The following TPRG1 variants were observed in gnomAD, a reference collection of about 807,000 sequenced individuals.
TPRG1 encodes tumor protein p63 regulated 1, also known as tumor protein p63-regulated gene 1 protein.
Under a neutral mutation model 29.3 loss-of-function variants are expected in TPRG1, and 29 were observed. That is an observed-to-expected ratio of 0.99 (90% CI 0.74 to 1.35). The LOEUF is 1.35. TPRG1 is among the 40% of genes most tolerant of loss of function. The pLI is 0.00. For missense variants in TPRG1, 327 were observed against 335.0 expected (o/e 0.98, Z 0.19); for synonymous variants, 130 against 116.8 (o/e 1.11, Z -0.73).
At chr3:189,232,551 C>T (rs977719732) in intron 3 of TPRG1, among the ~76,000 whole-genome samples, 2 of 152,166 alleles carry the variant, frequency 1.3e-5, no homozygotes, top group Non-Finnish European at 2.9e-5. Context: ...TACATATTCC[C>T]CCTCACATCT....
chr3:189,153,185 T>G (rs1449034579), intron 5 of TPRG1, among the ~76,000 whole-genome samples: 1 of 152,166 alleles, frequency 6.6e-6, no homozygotes, highest in African/African-American at 2.4e-5. Flanking sequence ...CCCTATGTAT[T>G]GAGCACTGTT....
At chr3:189,098,257 C>T (rs1238117297), upstream of TPRG1, among the ~76,000 whole-genome samples, 1 of 151,804 alleles carries the variant, frequency 6.6e-6, no homozygotes, top group African/African-American at 2.4e-5. Flanking sequence ...GAGGAGTGAA[C>T]AGGAAGGGAA....
intron 3 of TPRG1, among the ~76,000 whole-genome samples, chr3:189,011,460 A>C (rs1303056618): frequency 6.6e-6 from 1 of 152,184 alleles, no homozygotes; most frequent in African/African-American, 2.4e-5. Context: ...AAAGAAATTT[A>C]ATGGAGAACT....
intron 3 of TPRG1, chr3:189,219,931 C>T (rs534932675): frequency 1.9e-5 from 4 of 215,428 alleles, no homozygotes; most frequent in Admixed American, 1.3e-4. Context: ...TATGTGAAAT[C>T]GGACTGTCCA....
At chr3:189,143,977 T>C (rs148347038) in intron 3 of TPRG1, among the ~76,000 whole-genome samples, 1,788 of 152,320 alleles carry the variant, frequency 0.012, 42 homozygotes, top group African/African-American at 0.042. Context: ...TTCCTCTCTG[T>C]GTAGCTTCCT....
chr3:189,093,693 T>C (rs1037157455), intron 4 of TPRG1, among the ~76,000 whole-genome samples: 2 of 152,212 alleles, frequency 1.3e-5, no homozygotes, highest in African/African-American at 4.8e-5. Context: ...GGTGAAGCCA[T>C]TGGTATTTTG....
intron 4 of TPRG1, among the ~76,000 whole-genome samples, chr3:189,246,126 C>T (rs950387065): frequency 6.6e-6 from 1 of 152,006 alleles, no homozygotes; most frequent in Non-Finnish European, 1.5e-5. Context: ...GTAGATTTTT[C>T]CCATGTTTTT....
intron 1 of TPRG1, among the ~76,000 whole-genome samples, chr3:189,113,961 AT>A (rs1402180579): frequency 1.3e-5 from 2 of 152,010 alleles, no homozygotes; most frequent in East Asian, 3.9e-4. Flanking sequence ...AAGTGTTCCC[AT>A]CTATATTATT....
At chr3:189,092,026 A>G (rs1226642221) in intron 4 of TPRG1, among the ~76,000 whole-genome samples, 1 of 151,830 alleles carries the variant, frequency 6.6e-6, no homozygotes, top group African/African-American at 2.4e-5. Context: ...GTCCTCCTTT[A>G]TTTTCTCCTG....
intron 4 of TPRG1, among the ~76,000 whole-genome samples, chr3:189,286,460 A>G (rs1484448386): frequency 6.6e-6 from 1 of 152,126 alleles, no homozygotes; most frequent in Non-Finnish European, 1.5e-5. Context: ...TAGGAGCTCA[A>G]CAAATAGTTG....
intron 4 of TPRG1, among the ~76,000 whole-genome samples, chr3:189,255,054 A>G (rs1711588233): frequency 6.6e-6 from 1 of 152,138 alleles, no homozygotes; most frequent in Admixed American, 6.5e-5. Flanking sequence ...AACTTCCAAT[A>G]CTATGTTGAA....
intron 3 of TPRG1, among the ~76,000 whole-genome samples, chr3:189,215,610 C>G (rs7621445): frequency 0.046 from 6,961 of 152,212 alleles, 373 homozygotes; most frequent in African/African-American, 0.13. Flanking sequence ...TCAACCATCA[C>G]TACGTCTACC....
At chr3:189,002,079 T>C (rs1271698793) in intron 2 of TPRG1, among the ~76,000 whole-genome samples, 1 of 152,214 alleles carries the variant, frequency 6.6e-6, no homozygotes, top group Non-Finnish European at 1.5e-5. Context: ...TTAGGTCTTT[T>C]GGATTCTGGA....
At chr3:189,278,682 C>A (rs561049904) in intron 4 of TPRG1, among the ~76,000 whole-genome samples, 1 of 152,326 alleles carries the variant, frequency 6.6e-6, no homozygotes, top group East Asian at 1.9e-4. Context: ...ATCTCCTATG[C>A]TTCTGTGTGT....
At position 189,253,835 on chromosome 3, in the gene TPRG1, G is replaced by A. The variant is rs993282118; in HGVS notation, c.479+14926G>A. On this transcript the variant is annotated intron_variant, in intron 4 of 5. Transcript: ENST00000345063. The stretch of plus-strand genomic sequence containing the variant: ...GTATTTCATTGTAGTTTTGATCTAC[G>A]TTTCTCTAATGACCAGTGAAAATGA... 4.7e-5 allele frequency among the ~76,000 whole-genome samples: 6 copies of A among 126,394 alleles called. No homozygotes were observed. In the East Asian group the frequency reaches 8.0e-4, roughly 17 times the overall value. 82.9% of individuals were successfully genotyped at this position (126,394 alleles called of 152,430 possible). A position where few individuals can be genotyped will look rare whatever the true frequency, so the allele number is the denominator to read the frequency against.
chr3:189,236,989 T>C (rs1437115742), intron 3 of TPRG1, among the ~76,000 whole-genome samples: 1 of 152,204 alleles, frequency 6.6e-6, no homozygotes, highest in Admixed American at 6.5e-5. Context: ...GAATTATTTC[T>C]TTTAATCTTC....
intron 4 of TPRG1, among the ~76,000 whole-genome samples, chr3:189,257,491 G>T (rs1348318612): frequency 2.6e-5 from 4 of 152,050 alleles, no homozygotes; most frequent in Non-Finnish European, 4.4e-5. Context: ...TGTTGGGGTT[G>T]CGCTTCTCGA....
intron 4 of TPRG1, among the ~76,000 whole-genome samples, chr3:189,286,108 C>CA (rs1361568918): frequency 1.3e-5 from 2 of 151,766 alleles, no homozygotes; most frequent in Non-Finnish European, 2.9e-5. Flanking sequence ...TTTAAAATGC[C>CA]AAAAAAATGC....
At chr3:189,306,782 G>T (rs1488245305) in intron 4 of TPRG1, among the ~76,000 whole-genome samples, 1 of 152,120 alleles carries the variant, frequency 6.6e-6, no homozygotes, top group Non-Finnish European at 1.5e-5. Flanking sequence ...GTGCCTTACA[G>T]AAACAAAACT....
Sources: allele counts gnomAD v4.1 joint callset (sites outside exome capture counted in the v4.1 genomes callset), GRCh38; gene constraint gnomAD v4.1.1; transcripts MANE v1.5; gene names NCBI Gene and HGNC (gene_info 2026-07-23, HGNC 2026-07-21).